MXI1: variants seen among roughly 807,000 people sequenced by gnomAD.
The protein encoded by MXI1 is MAX interactor 1, dimerization protein, also known as max-interacting protein 1.
A neutral mutation model predicts 36.9 loss-of-function variants in MXI1; 18 were observed. That is an observed-to-expected ratio of 0.49 (90% CI 0.34 to 0.72). The LOEUF (loss-of-function observed/expected upper bound fraction) is 0.72. Among genes scored for constraint, MXI1 ranks in the 30% least tolerant of loss-of-function variants. MXI1 has a pLI of 0.01. For missense variants in MXI1, 304 were observed against 379.1 expected (o/e 0.80, Z 1.64); for synonymous variants, 160 against 146.7 (o/e 1.09, Z -0.65).
chr10:110,226,246 G>C, intron 1 of MXI1: 2 of 1,502,270 alleles, frequency 1.3e-6, no homozygotes, highest in Non-Finnish European at 8.9e-7. Context: ...TGCAGCGTCT[G>C]CTGGAGGCTG....
chr10:110,229,146 T>G (rs1265399013), intron 2 of MXI1, among the ~76,000 whole-genome samples: 1 of 152,222 alleles, frequency 6.6e-6, no homozygotes, highest in Non-Finnish European at 1.5e-5. Flanking sequence ...GGTGTTTTTA[T>G]TCTAGGGAGC....
At chr10:110,265,604 G>T (rs978949531) in intron 3 of MXI1, among the ~76,000 whole-genome samples, 1 of 152,196 alleles carries the variant, frequency 6.6e-6, no homozygotes, top group African/African-American at 2.4e-5. Flanking sequence ...TTGTGTGCTA[G>T]GTAATGGGAA....
intron 3 of MXI1, among the ~76,000 whole-genome samples, chr10:110,252,132 G>A (rs1856115336): frequency 6.6e-6 from 1 of 151,860 alleles, no homozygotes; most frequent in Non-Finnish European, 1.5e-5. Flanking sequence ...ATAGAATTGG[G>A]AACAGAAAGG....
At chr10:110,236,849 A>C (rs1855495753) in intron 2 of MXI1, among the ~76,000 whole-genome samples, 1 of 152,230 alleles carries the variant, frequency 6.6e-6, no homozygotes, top group South Asian at 2.1e-4. Context: ...TGGATCTATA[A>C]ATTAATTTGG....
rs1369521510 is a variant in MXI1, at chr10:110,225,899, G to A, written c.275-2290G>A. 1.0e-5 allele frequency: 6 copies of A among 601,496 alleles called. No homozygotes were observed. In the African/African-American group the frequency reaches 1.0e-4, roughly 10 times the overall value. The allele number at this position is 601,496 out of a possible 1,614,324, so 37.3% of individuals were successfully genotyped here. Reference sequence around the variant, plus strand: ...CTACGATTCCCGGCAGCCGCGGGCGGGTGCGGGACTACATTTCCCAGGGGG... The same window carrying A: ...CTACGATTCCCGGCAGCCGCGGGCGAGTGCGGGACTACATTTCCCAGGGGG... On this transcript the variant is annotated intron_variant, in intron 1 of 5. Transcript: ENST00000332674.
At chr10:110,208,904 C>G (rs1854434031) in intron 1 of MXI1, among the ~76,000 whole-genome samples, 1 of 152,174 alleles carries the variant, frequency 6.6e-6, no homozygotes, top group African/African-American at 2.4e-5. Context: ...GTGGGCTGTT[C>G]TGTGCTTTTT....
intron 1 of MXI1, chr10:110,226,313 G>A (rs1854965691): frequency 4.7e-6 from 7 of 1,480,748 alleles, no homozygotes; most frequent in Admixed American, 2.2e-5. Context: ...GCGTGAGCCC[G>A]AGCGCTACTA....
intron 3 of MXI1, among the ~76,000 whole-genome samples, chr10:110,256,908 A>G (rs1013803234): frequency 9.2e-5 from 14 of 152,232 alleles, no homozygotes; most frequent in African/African-American, 3.4e-4. Context: ...TAAGACATGT[A>G]ATTAACCACA....
intron 3 of MXI1, among the ~76,000 whole-genome samples, chr10:110,252,855 AG>A (rs1856148524): frequency 6.6e-6 from 1 of 152,196 alleles, no homozygotes; most frequent in African/African-American, 2.4e-5. Context: ...ATTTTATAAT[AG>A]GCAAATAGAA....
intron 5 of MXI1, among the ~76,000 whole-genome samples, chr10:110,282,120 T>C (rs112750205): frequency 0.05 from 7,687 of 152,286 alleles, 287 homozygotes; most frequent in Middle Eastern, 0.15. Flanking sequence ...TTATCAGTTT[T>C]CCAAACAGAG....
chr10:110,226,075 G>C (rs1408032991), intron 1 of MXI1: 1 of 1,044,748 alleles, frequency 9.6e-7, no homozygotes, highest in African/African-American at 1.7e-5. Flanking sequence ...CGGAGAGCGC[G>C]CCGAGCCGCG....
intron 2 of MXI1, among the ~76,000 whole-genome samples, chr10:110,232,600 T>A (rs974459480): frequency 2.0e-5 from 3 of 152,184 alleles, no homozygotes; most frequent in African/African-American, 7.2e-5. Flanking sequence ...AGGGATTGAG[T>A]CTCTTCTGCT....
In MXI1 at chr10:110,285,242, A is replaced by G. The variant is rs1590418892; in HGVS notation, c.*255A>G. 1.8e-5 allele frequency: 6 copies of G among 329,444 alleles called. No individual in the cohort carries two copies. In the East Asian group the frequency reaches 3.2e-4, roughly 18 times the overall value. The allele number at this position is 329,444 out of a possible 1,614,324, so 20.4% of individuals were successfully genotyped here. On this transcript the variant is annotated 3_prime_UTR_variant, in exon 6 of 6. Coordinates refer to ENST00000332674, the MANE Select transcript of MXI1 (RefSeq NM_130439.3). ...AAATCACAATTTTTAATGGCAGCAGAAAACTTGTGTGAAATTTTCTTGATT... is the reference window on the plus strand; with the variant it reads ...AAATCACAATTTTTAATGGCAGCAGGAAACTTGTGTGAAATTTTCTTGATT...
At chr10:110,221,843 A>G (rs1854816894) in intron 1 of MXI1, among the ~76,000 whole-genome samples, 1 of 151,478 alleles carries the variant, frequency 6.6e-6, no homozygotes, top group Non-Finnish European at 1.5e-5. Flanking sequence ...CTTTCTCCCC[A>G]GCTCGGGCAG....
At chr10:110,266,200 C>T (rs1856673196) in intron 3 of MXI1, among the ~76,000 whole-genome samples, 1 of 152,004 alleles carries the variant, frequency 6.6e-6, no homozygotes, top group African/African-American at 2.4e-5. Context: ...CTCTGCCTCC[C>T]AGGTTCAAGC....
chr10:110,284,516 G>T (rs960650739), intron 5 of MXI1, among the ~76,000 whole-genome samples: 2 of 152,166 alleles, frequency 1.3e-5, no homozygotes, highest in Non-Finnish European at 2.9e-5. Flanking sequence ...ACCACTTGGG[G>T]GTTGGGACCT....
At chr10:110,212,991 A>G (rs1288611779) in intron 1 of MXI1, among the ~76,000 whole-genome samples, 2 of 152,204 alleles carry the variant, frequency 1.3e-5, no homozygotes, top group East Asian at 3.8e-4. Context: ...TCCTTAATAT[A>G]AATGTTTTGA....
At chr10:110,259,198 G>A (rs1169141279) in intron 3 of MXI1, among the ~76,000 whole-genome samples, 1 of 152,142 alleles carries the variant, frequency 6.6e-6, no homozygotes, top group South Asian at 2.1e-4. Flanking sequence ...GCTGTAACTT[G>A]TTTAAGAAAA....
At position 110,279,903 on chromosome 10, in the gene MXI1, C is replaced by T; in HGVS notation, c.553-11C>T. ...CTATACACAAATGTAAAAATCATTT[C>T]ATCATTTCAGAAACTTGAAGAAGCT... On this transcript the variant is annotated splice_polypyrimidine_tract_variant and intron_variant, in intron 4 of 5. Coordinates refer to ENST00000332674, the MANE Select transcript of MXI1 (RefSeq NM_130439.3). 1 of 1,596,212 alleles carries T rather than the reference C, an allele frequency of 6.3e-7. No homozygotes were observed. The highest frequency in any genetic ancestry group is 8.5e-7 in the Non-Finnish European group (1 of 1,172,740).
Sources: allele counts gnomAD v4.1 joint callset (sites outside exome capture counted in the v4.1 genomes callset), GRCh38; gene constraint gnomAD v4.1.1; transcripts MANE v1.5; gene names NCBI Gene and HGNC (gene_info 2026-07-23, HGNC 2026-07-21).